Variants in CRPPA observed in about 807,000 individuals in gnomAD.
The protein encoded by CRPPA is D-ribitol-5-phosphate cytidylyltransferase.
CRPPA carries 43 observed loss-of-function variants against 52.0 expected under a neutral mutation model. That is an observed-to-expected ratio of 0.83 (90% CI 0.65 to 1.07). The LOEUF is 1.07. Among genes scored for constraint, CRPPA ranks in the 50% least tolerant of loss-of-function variants. CRPPA has a pLI of 0.00. For synonymous variants in CRPPA, 250 were observed against 203.5 expected, an observed-to-expected ratio of 1.23 and a Z score of -1.94; for missense variants, 629 against 551.7, an observed-to-expected ratio of 1.14 and a Z score of -1.40.
At chr7:16,173,359 G>A (rs947181592) in intron 9 of CRPPA, among the ~76,000 whole-genome samples, 10 of 152,066 alleles carry the variant, frequency 6.6e-5, no homozygotes, top group African/African-American at 2.4e-4. Context: ...TAATAATATG[G>A]CAAGCATTCT....
chr7:16,421,416 A>G lies in CRPPA; in HGVS notation c.-94T>C. On this transcript the variant is annotated 5_prime_UTR_variant, in exon 1 of 10. Transcript: ENST00000407010. ...GCCGGGGTCGCGGGGCGAAGGGCAG[A>G]CCACGGAGAGGGACGCAGAGCGCGC... 8.6e-7 allele frequency: 1 copy of G among 1,162,396 alleles called. No homozygotes were observed. Among genetic ancestry groups the G allele is most frequent in the Non-Finnish European group, 1.1e-6 (1 of 931,696 alleles). The allele number at this position is 1,162,396 out of a possible 1,614,324, so 72.0% of individuals were successfully genotyped here.
intron 9 of CRPPA, among the ~76,000 whole-genome samples, chr7:16,157,395 C>T (rs1422243868): frequency 3.3e-5 from 5 of 151,536 alleles, no homozygotes; most frequent in South Asian, 4.2e-4. Context: ...CAAGTCATCC[C>T]GAACATTATT....
At chr7:16,134,454 C>A (rs955763557) in intron 9 of CRPPA, among the ~76,000 whole-genome samples, 5 of 151,814 alleles carry the variant, frequency 3.3e-5, no homozygotes, top group Non-Finnish European at 7.4e-5. Flanking sequence ...GAAACTGGTC[C>A]CTGGTGACAA....
intron 3 of CRPPA, among the ~76,000 whole-genome samples, chr7:16,327,279 A>G (rs1785421301): frequency 6.6e-6 from 1 of 152,178 alleles, no homozygotes; most frequent in South Asian, 2.1e-4. Flanking sequence ...TTCAACATGC[A>G]TCCTGTGCAG....
intron 3 of CRPPA, among the ~76,000 whole-genome samples, chr7:16,324,801 T>A (rs539298075): frequency 6.6e-6 from 1 of 152,368 alleles, no homozygotes; most frequent in East Asian, 1.9e-4. Context: ...GTCTGCAATC[T>A]TTGACTAAAT....
In CRPPA at chr7:16,241,946, C is replaced by CTTTTTTTTT. The variant is rs71549979; in HGVS notation, c.1119+16435_1119+16443dup. 3.4e-4 allele frequency among the ~76,000 whole-genome samples: 19 copies of CTTTTTTTTT among 55,398 alleles called. 1 individual carries two copies. Among genetic ancestry groups the CTTTTTTTTT allele is most frequent in the Non-Finnish European group, 4.7e-4 (13 of 27,772 alleles). 36.3% of individuals were successfully genotyped at this position (55,398 alleles called of 152,430 possible). On this transcript the variant is annotated intron_variant, in intron 8 of 9. Transcript: ENST00000407010. ...TGTTTAATGTAGTTAAAAATCTATT[C>CTTTTTTTTT]TTTTTTTTTTTTTTTTTTTTTTGTT...
intron 2 of CRPPA, among the ~76,000 whole-genome samples, chr7:16,383,705 G>A (rs1228236738): frequency 1.3e-5 from 2 of 150,328 alleles, no homozygotes; most frequent in South Asian, 2.1e-4. Context: ...AATGGCAGGC[G>A]CCCCTCCCCC....
intron 9 of CRPPA, among the ~76,000 whole-genome samples, chr7:16,116,483 G>A (rs1213873456): frequency 6.6e-6 from 1 of 152,034 alleles, no homozygotes; most frequent in Non-Finnish European, 1.5e-5. Flanking sequence ...TGGCCAACAT[G>A]GCGAAACCCC....
intron 4 of CRPPA, among the ~76,000 whole-genome samples, chr7:16,307,257 C>T (rs527523260): frequency 7.2e-5 from 11 of 152,126 alleles, no homozygotes; most frequent in Admixed American, 3.9e-4. Context: ...TTCCAGACTC[C>T]TATTTCCAAA....
chr7:16,210,516 G>A (rs1782104822), intron 9 of CRPPA: 1 of 152,176 alleles, frequency 6.6e-6, no homozygotes, highest in East Asian at 1.9e-4. Context: ...AAAGAACAGA[G>A]GCAAGCCTCC....
chr7:16,338,378 T>C (rs1785739450), intron 3 of CRPPA, among the ~76,000 whole-genome samples: 1 of 152,158 alleles, frequency 6.6e-6, no homozygotes, highest in Non-Finnish European at 1.5e-5. Flanking sequence ...GTAGGGAATA[T>C]ATCTCAACAC....
intron 9 of CRPPA, among the ~76,000 whole-genome samples, chr7:16,121,610 T>A (rs1782482297): frequency 6.6e-6 from 1 of 152,018 alleles, no homozygotes; most frequent in South Asian, 2.1e-4. Context: ...AAAAAAGACT[T>A]CGTAAAACAG....
chr7:16,152,948 A>G (rs1191960745), intron 9 of CRPPA, among the ~76,000 whole-genome samples: 1 of 152,038 alleles, frequency 6.6e-6, no homozygotes, highest in East Asian at 1.9e-4. Context: ...AAAGAAAGCC[A>G]ATGTTGTATG....
At chr7:16,371,577 G>C (rs532388202) in intron 3 of CRPPA, among the ~76,000 whole-genome samples, 1 of 150,488 alleles carries the variant, frequency 6.6e-6, no homozygotes, top group East Asian at 2.0e-4. Flanking sequence ...ATAAATTCAA[G>C]AACAATTTGA....
At chr7:16,364,020 C>A (rs1786524196) in intron 3 of CRPPA, among the ~76,000 whole-genome samples, 1 of 152,090 alleles carries the variant, frequency 6.6e-6, no homozygotes, top group East Asian at 1.9e-4. Flanking sequence ...TGTAACAGAT[C>A]TGAATGAATT....
intron 3 of CRPPA, among the ~76,000 whole-genome samples, chr7:16,354,954 A>C (rs1187047183): frequency 6.6e-6 from 1 of 152,222 alleles, no homozygotes; most frequent in African/African-American, 2.4e-5. Context: ...AATATGCTAT[A>C]AAAATGTACA....
At chr7:16,201,124 C>T (rs1447199778) in intron 9 of CRPPA, among the ~76,000 whole-genome samples, 5 of 152,222 alleles carry the variant, frequency 3.3e-5, no homozygotes, top group African/African-American at 7.2e-5. Flanking sequence ...AGGGTACACA[C>T]ACACACCATT....
At chr7:16,340,713 T>C (rs531203580) in intron 3 of CRPPA, among the ~76,000 whole-genome samples, 2 of 152,100 alleles carry the variant, frequency 1.3e-5, no homozygotes, top group South Asian at 4.1e-4. Context: ...CTCAGGAAAC[T>C]AGATAAACTC....
At chr7:16,136,715 T>C (rs755703516) in intron 9 of CRPPA, among the ~76,000 whole-genome samples, 8 of 152,226 alleles carry the variant, frequency 5.3e-5, no homozygotes, top group Non-Finnish European at 8.8e-5. Flanking sequence ...ACTAAGATGA[T>C]TTCCTGAGAG....
Sources: allele counts gnomAD v4.1 joint callset (sites outside exome capture counted in the v4.1 genomes callset), GRCh38; gene constraint gnomAD v4.1.1; transcripts MANE v1.5; gene names NCBI Gene and HGNC (gene_info 2026-07-23, HGNC 2026-07-21).